The following ZFHX3 variants were observed in gnomAD, a reference collection of about 807,000 sequenced individuals.
ZFHX3 encodes zinc finger homeobox 3.
A neutral mutation model predicts 279.1 loss-of-function variants in ZFHX3; 42 were observed. The ratio of observed to expected loss-of-function variants is 0.15; its 90% CI spans 0.12 to 0.19. The LOEUF (loss-of-function observed/expected upper bound fraction) is 0.19. Ranked by LOEUF, ZFHX3 falls within the 10% of genes least tolerant of loss-of-function variation. The pLI, the probability that ZFHX3 is intolerant of heterozygous loss-of-function variation, is 1.00. For missense variants in ZFHX3, 4,981 were observed against 4,754.0 expected, an observed-to-expected ratio of 1.05 and a Z score of -1.40; for synonymous variants, 2,293 against 1,957.8, an observed-to-expected ratio of 1.17 and a Z score of -4.52.
rs527641734 is a variant in ZFHX3, at chr16:73,507,508, T to C, written c.-1546-51250A>G. 1.1e-4 allele frequency among the ~76,000 whole-genome samples: 16 copies of C among 144,738 alleles called. No homozygotes were observed. The South Asian group carries it at 3.5e-3, about 32-fold the overall frequency. The allele number at this position is 144,738 out of a possible 152,430, so 95.0% of individuals were successfully genotyped here. On this transcript the variant is annotated intron_variant, in intron 2 of 17. Coordinates refer to the ZFHX3 transcript ENST00000641206. Reference sequence around the variant, plus strand: ...CACTTTTTTTTTTTTTTTTTTTTTTTTTTTTGAGACAGGGTCTCACTCTGT... The same window carrying C: ...CACTTTTTTTTTTTTTTTTTTTTTTCTTTTTGAGACAGGGTCTCACTCTGT...
chr16:72,929,825 G>C (rs981649786), intron 3 of ZFHX3, among the ~76,000 whole-genome samples: 2 of 152,256 alleles, frequency 1.3e-5, no homozygotes, highest in African/African-American at 4.8e-5. Context: ...AAAGGAGACC[G>C]CATCAATTAT....
At chr16:73,068,700 C>G (rs138324342) in intron 8 of ZFHX3, among the ~76,000 whole-genome samples, 1 of 152,298 alleles carries the variant, frequency 6.6e-6, no homozygotes, top group East Asian at 1.9e-4. Flanking sequence ...AAGGGATGAT[C>G]AGATGACCAA....
At chr16:73,482,722 G>A (rs571577364) in intron 2 of ZFHX3, among the ~76,000 whole-genome samples, 16 of 152,302 alleles carry the variant, frequency 1.1e-4, no homozygotes, top group African/African-American at 3.9e-4. Flanking sequence ...AAAAGAGAGA[G>A]AGGTATCGCC....
intron 7 of ZFHX3, among the ~76,000 whole-genome samples, chr16:72,800,368 T>C (rs1180272714): frequency 1.3e-5 from 2 of 152,200 alleles, no homozygotes; most frequent in Non-Finnish European, 2.9e-5. Flanking sequence ...AATCTTCTTA[T>C]TAATATTTTT....
chr16:72,950,461 G>C lies in ZFHX3; in HGVS notation c.3216+8C>G. 1 of 1,611,260 alleles carries C rather than the reference G, an allele frequency of 6.2e-7. No homozygotes were observed. The highest frequency in any genetic ancestry group is 1.7e-5 in the Admixed American group (1 of 59,974). ...AGAGCGCCTGAGCCATAAGGAGCTG[G>C]GCCTTACCTTGTACAACTTCAGGCT... On this transcript the variant is annotated splice_region_variant and intron_variant, in intron 3 of 9. Transcript: ENST00000268489.
At chr16:72,961,903 C>G (rs1174955152) in intron 1 of ZFHX3, among the ~76,000 whole-genome samples, 1 of 146,300 alleles carries the variant, frequency 6.8e-6, no homozygotes, top group Non-Finnish European at 1.5e-5. Flanking sequence ...CCAAACCAAA[C>G]CAAACCAAAC....
intron 2 of ZFHX3, among the ~76,000 whole-genome samples, chr16:73,560,971 A>G (rs1263993179): frequency 1.3e-5 from 2 of 152,244 alleles, no homozygotes; most frequent in Non-Finnish European, 2.9e-5. Context: ...CATAATCTAA[A>G]TTGATCCCTA....
intron 8 of ZFHX3, among the ~76,000 whole-genome samples, chr16:73,075,931 G>T (rs781489988): frequency 2.0e-5 from 3 of 152,118 alleles, no homozygotes; most frequent in African/African-American, 7.2e-5. Context: ...CACCCGGCCA[G>T]CTTTTCATCA....
At position 73,277,153 on chromosome 16, in the gene ZFHX3, A is replaced by G. The variant is rs530918911; in HGVS notation, c.-1193-20017T>C. On this transcript the variant is annotated intron_variant, in intron 4 of 17. Transcript: ENST00000641206. Reference sequence around the variant, plus strand: ...CCAAAGGACTTGCTATGGGCTTGGCAAACACTTGCTGAGTTGACTTACAAA... The same window carrying G: ...CCAAAGGACTTGCTATGGGCTTGGCGAACACTTGCTGAGTTGACTTACAAA... 2.0e-4 allele frequency among the ~76,000 whole-genome samples: 31 copies of G among 152,372 alleles called. 1 individual carries two copies. The South Asian group carries it at 5.8e-3, about 28-fold the overall frequency.
intron 1 of ZFHX3, among the ~76,000 whole-genome samples, chr16:73,714,532 T>C (rs972325479): frequency 1.3e-5 from 2 of 152,184 alleles, no homozygotes; most frequent in Non-Finnish European, 2.9e-5. Context: ...CAGCCCAGTG[T>C]CCTCCGAATC....
At chr16:73,127,891 G>C (rs1037965492) in intron 7 of ZFHX3, among the ~76,000 whole-genome samples, 2 of 152,178 alleles carry the variant, frequency 1.3e-5, no homozygotes, top group African/African-American at 4.8e-5. Flanking sequence ...CATGTAACTT[G>C]TTTGGCCAAT....
intron 2 of ZFHX3, among the ~76,000 whole-genome samples, chr16:73,527,988 T>C (rs886229906): frequency 1.3e-5 from 2 of 152,216 alleles, no homozygotes; most frequent in Non-Finnish European, 2.9e-5. Flanking sequence ...CTTGGAGTAA[T>C]TTGTTATGTA....
At chr16:73,653,934 C>T (rs1028209585) in intron 2 of ZFHX3, among the ~76,000 whole-genome samples, 1 of 152,056 alleles carries the variant, frequency 6.6e-6, no homozygotes, top group African/African-American at 2.4e-5. Context: ...CCTGTAATCC[C>T]AGCACTTTGA....
chr16:73,316,599 T>C (rs1259561290), intron 4 of ZFHX3, among the ~76,000 whole-genome samples: 1 of 152,244 alleles, frequency 6.6e-6, no homozygotes, highest in Non-Finnish European at 1.5e-5. Flanking sequence ...TAATATTCCA[T>C]GTGCCTTGAA....
intron 7 of ZFHX3, among the ~76,000 whole-genome samples, chr16:73,095,406 G>T (rs554067090): frequency 6.6e-6 from 1 of 152,090 alleles, no homozygotes; most frequent in Non-Finnish European, 1.5e-5. Context: ...GGCTAATTAA[G>T]CAGACTGAGC....
At chr16:73,870,625 T>A (rs1002906531) in intron 1 of ZFHX3, among the ~76,000 whole-genome samples, 1 of 152,208 alleles carries the variant, frequency 6.6e-6, no homozygotes, top group Non-Finnish European at 1.5e-5. Context: ...ACACTCCTCT[T>A]CCTTCTCTGT....
chr16:72,793,791 C>G lies in ZFHX3; in HGVS notation c.8891G>C (p.Cys2964Ser). Residue 2964 changes from cysteine to serine, a missense_variant, in exon 9 of 10, where the codon TGC (cysteine) becomes TCC (serine). Physicochemically the swap from Cys to Ser is moderately radical, Grantham distance 112. Coordinates refer to ENST00000268489, the MANE Select transcript of ZFHX3 (RefSeq NM_006885.4). This position sits in a 1 kb window ranked among gnomAD's most constrained non-coding sequence, Gnocchi z 4.3. The part of the protein sequence containing the change: ...TNLQLKVLKS[C>S]FNDYRTPTML... ...AGTGGGTGTCCTGTAGTCATTAAAG[C>G]ATGACTTGAGGACCTTCAGCTGCAG... is the stretch of plus-strand genomic sequence containing the variant. 6.2e-7 allele frequency: 1 copy of G among 1,614,198 alleles called. No homozygotes were observed. Among genetic ancestry groups the G allele is most frequent in the Non-Finnish European group, 8.5e-7 (1 of 1,180,034 alleles).
chr16:72,844,350 G>A (rs2037423440), intron 4 of ZFHX3, among the ~76,000 whole-genome samples: 1 of 152,118 alleles, frequency 6.6e-6, no homozygotes. Flanking sequence ...TTCAGTCCTG[G>A]CTCTCCAGCA....
At chr16:73,335,130 A>G (rs2143240301) in intron 3 of ZFHX3, among the ~76,000 whole-genome samples, 1 of 152,208 alleles carries the variant, frequency 6.6e-6, no homozygotes, top group South Asian at 2.1e-4. Flanking sequence ...TCATTCTCCT[A>G]GGCTAAGAAG....
Sources: allele counts gnomAD v4.1 joint callset (sites outside exome capture counted in the v4.1 genomes callset), GRCh38; gene constraint gnomAD v4.1.1; non-coding constraint Gnocchi (gnomAD v3.1); transcripts MANE v1.5; gene names NCBI Gene and HGNC (gene_info 2026-07-23, HGNC 2026-07-21).